CTNND2: variants seen among roughly 807,000 people sequenced by gnomAD.
CTNND2 encodes the protein catenin delta-2.
In CTNND2, 22 loss-of-function variants were observed where a neutral mutation model predicts 144.4. That is an observed-to-expected ratio of 0.15 (90% CI 0.11 to 0.22). CTNND2 has a LOEUF of 0.22. Ranked by LOEUF, CTNND2 falls within the 10% of genes least tolerant of loss-of-function variation. The pLI, the probability that CTNND2 is intolerant of heterozygous loss-of-function variation, is 1.00. For missense variants in CTNND2, 1,353 were observed against 1,618.8 expected (o/e 0.84, Z 2.82); for synonymous variants, 751 against 695.6 (o/e 1.08, Z -1.25).
chr5:10,990,334 G>C (rs1379578935), intron 19 of CTNND2, among the ~76,000 whole-genome samples: 1 of 152,184 alleles, frequency 6.6e-6, no homozygotes, highest in African/African-American at 2.4e-5. Context: ...TGCTTGGAGA[G>C]GGAACCTCTG....
At chr5:11,798,751 G>A (rs929140830) in intron 1 of CTNND2, among the ~76,000 whole-genome samples, 1 of 152,136 alleles carries the variant, frequency 6.6e-6, no homozygotes, top group East Asian at 1.9e-4. Flanking sequence ...TGGGGACAGA[G>A]TGAGACTCCG....
chr5:11,301,910 G>A (rs26000), intron 9 of CTNND2, among the ~76,000 whole-genome samples: 67,981 of 151,720 alleles, frequency 0.45, 16,139 homozygotes, highest in African/African-American at 0.62. Flanking sequence ...ATGGAACTTG[G>A]CCCTTCACTG....
rs1765459482 is a variant in CTNND2, at chr5:11,453,405, A to G, written c.288-41336T>C. Among the ~76,000 whole-genome samples, 4 of 152,358 alleles carry G rather than the reference A, an allele frequency of 2.6e-5. 1 individual carries two copies. In the South Asian group the frequency reaches 8.3e-4, roughly 32 times the overall value. On this transcript the variant is annotated intron_variant, in intron 3 of 21. Transcript: ENST00000304623. ...GCTCTTCTTGGAGCCAGGGTATTTTAAGGAAGTGAAACTATGTCATTTCCA... is the reference window on the plus strand; with the variant it reads ...GCTCTTCTTGGAGCCAGGGTATTTTGAGGAAGTGAAACTATGTCATTTCCA...
intron 2 of CTNND2, among the ~76,000 whole-genome samples, chr5:11,664,406 C>G: frequency 6.6e-6 from 1 of 152,156 alleles, no homozygotes; most frequent in Non-Finnish European, 1.5e-5. Context: ...TCCTGGCCAA[C>G]ATGGTGAAAC....
At chr5:10,999,811 T>C (rs1739736770) in intron 18 of CTNND2, among the ~76,000 whole-genome samples, 1 of 152,224 alleles carries the variant, frequency 6.6e-6, no homozygotes, top group Non-Finnish European at 1.5e-5. Context: ...GTTCTTTATC[T>C]TACACCCTTT....
At chr5:11,427,221 A>G (rs1762854817) in intron 3 of CTNND2, among the ~76,000 whole-genome samples, 1 of 152,140 alleles carries the variant, frequency 6.6e-6, no homozygotes, top group South Asian at 2.1e-4. Context: ...CAGTGGAAGA[A>G]AGGAGAAAAG....
At chr5:11,182,049 GTGTGTGTGGGGGGTGTGTGTGGTGTGTGT>G (rs1735098553) in intron 11 of CTNND2, among the ~76,000 whole-genome samples, 1 of 138,984 alleles carries the variant, frequency 7.2e-6, no homozygotes, top group African/African-American at 2.7e-5. Context: ...TGTGTGTGGG[GTGTGTGTGGGGGGTGTGTGTGGTGTGTGT>G]GGTATGTGTG....
chr5:11,896,858 T>A (rs974100922), intron 1 of CTNND2, among the ~76,000 whole-genome samples: 1 of 152,182 alleles, frequency 6.6e-6, no homozygotes, highest in Non-Finnish European at 1.5e-5. Context: ...CTATAATTCA[T>A]AATTGCATAT....
intron 16 of CTNND2, among the ~76,000 whole-genome samples, chr5:11,071,115 T>C (rs1748224918): frequency 6.6e-6 from 1 of 152,136 alleles, no homozygotes; most frequent in Non-Finnish European, 1.5e-5. Flanking sequence ...GAAAGTTTTA[T>C]CTTAGGAACA....
At chr5:11,717,940 CCTT>C (rs1404876700) in intron 2 of CTNND2, among the ~76,000 whole-genome samples, 1 of 152,106 alleles carries the variant, frequency 6.6e-6, no homozygotes, top group Non-Finnish European at 1.5e-5. Flanking sequence ...GCTATCAACA[CCTT>C]CTTAAATATA....
intron 21 of CTNND2, among the ~76,000 whole-genome samples, 191 bp downstream of exon 21, chr5:10,981,582 G>C (rs1665872781): frequency 1.4e-5 from 2 of 140,854 alleles, no homozygotes; most frequent in Admixed American, 1.4e-4. Flanking sequence ...GTTCTGCCGA[G>C]TCCAACACAC....
chr5:11,311,172 G>A (rs1750788718), intron 9 of CTNND2, among the ~76,000 whole-genome samples: 1 of 82,828 alleles, frequency 1.2e-5, no homozygotes, highest in African/African-American at 4.8e-5. Flanking sequence ...TACCTCACAG[G>A]CACACTCTCA....
intron 2 of CTNND2, among the ~76,000 whole-genome samples, chr5:11,663,427 T>C (rs769834988): frequency 5.3e-5 from 8 of 152,144 alleles, no homozygotes; most frequent in Admixed American, 2.0e-4. Flanking sequence ...ACTATTAAGG[T>C]GCTTAATGAG....
chr5:11,283,913 G>C (rs567381417), intron 9 of CTNND2, among the ~76,000 whole-genome samples: 1 of 152,270 alleles, frequency 6.6e-6, no homozygotes, highest in African/African-American at 2.4e-5. Flanking sequence ...TTGTGGTTCT[G>C]TTCACGTCGT....
intron 7 of CTNND2, among the ~76,000 whole-genome samples, chr5:11,380,469 A>T (rs1261008095): frequency 6.6e-6 from 1 of 152,224 alleles, no homozygotes; most frequent in African/African-American, 2.4e-5. Flanking sequence ...TCAGGGAATA[A>T]TTTTAAGCCG....
intron 11 of CTNND2, among the ~76,000 whole-genome samples, chr5:11,183,687 A>G (rs970854875): frequency 2.7e-4 from 41 of 151,600 alleles, no homozygotes; most frequent in Non-Finnish European, 1.2e-4. Flanking sequence ...CCTCCTGACT[A>G]GCTGAGATTA....
At chr5:11,763,168 G>A (rs1481772188) in intron 1 of CTNND2, among the ~76,000 whole-genome samples, 3 of 152,122 alleles carry the variant, frequency 2.0e-5, no homozygotes, top group African/African-American at 7.2e-5. Context: ...TCCATCATGA[G>A]TGTATGTTTC....
At chr5:11,099,856 T>C (rs2149668036) in intron 14 of CTNND2, among the ~76,000 whole-genome samples, 1 of 152,290 alleles carries the variant, frequency 6.6e-6, no homozygotes, top group East Asian at 1.9e-4. Context: ...ACAATTTCTT[T>C]ATAATTTTAG....
rs530207201 is a variant in CTNND2, at chr5:11,089,211, G to T, written c.2638-6365C>A. ...GGAGAAAATAACTTATCTCGCTTGG[G>T]TATTTGCCTATGTGGGGGTCTCTTT... On this transcript the variant is annotated intron_variant, in intron 15 of 21. Coordinates refer to ENST00000304623, the MANE Select transcript of CTNND2 (RefSeq NM_001332.4). Among the ~76,000 whole-genome samples, 9 of 152,264 alleles carry T rather than the reference G, an allele frequency of 5.9e-5. No individual in the cohort carries two copies. In the East Asian group the frequency reaches 1.5e-3, roughly 26 times the overall value.
Sources: gnomAD v4.1 joint callset for allele counts (sites outside exome capture counted in the v4.1 genomes callset) on GRCh38, gnomAD v4.1.1 for gene constraint, MANE v1.5 for transcripts, NCBI Gene and HGNC (gene_info 2026-07-23, HGNC 2026-07-21) for gene names.